The following DCLK2 variants were observed in gnomAD, a reference collection of about 807,000 sequenced individuals.
DCLK2 encodes serine/threonine-protein kinase DCLK2.
A neutral mutation model predicts 78.4 loss-of-function variants in DCLK2; 31 were observed. The ratio of observed to expected loss-of-function variants is 0.40; its 90% CI spans 0.30 to 0.53. DCLK2 has a LOEUF of 0.53. Among genes scored for constraint, DCLK2 ranks in the 20% least tolerant of loss-of-function variants. DCLK2 has a pLI of 0.61. For missense variants in DCLK2, 872 were observed against 973.7 expected (o/e 0.90, Z 1.39); for synonymous variants, 407 against 374.9 (o/e 1.09, Z -0.99).
chr4:150,240,482 C>G lies in DCLK2; in HGVS notation c.1778+6C>G. 1 of 1,607,764 alleles carries G rather than the reference C, an allele frequency of 6.2e-7. No individual in the cohort carries two copies. Among genetic ancestry groups the G allele is most frequent in the Non-Finnish European group, 8.5e-7 (1 of 1,175,952 alleles). On this transcript the variant is annotated splice_donor_region_variant and intron_variant, in intron 12 of 15. Coordinates refer to ENST00000296550, the MANE Select transcript of DCLK2 (RefSeq NM_001040260.4). ...GGATTCCCACCATTCCGAAGGTAGGCGGCCTTTTGGGCGACGTATTTGAAT... is the reference window on the plus strand; with the variant it reads ...GGATTCCCACCATTCCGAAGGTAGGGGGCCTTTTGGGCGACGTATTTGAAT...
intron 4 of DCLK2, among the ~76,000 whole-genome samples, chr4:150,200,237 C>T (rs1051160443): frequency 6.6e-6 from 1 of 152,102 alleles, no homozygotes; most frequent in African/African-American, 2.4e-5. Flanking sequence ...TAAGGAAAAT[C>T]GTAGCATTCT....
rs571389846 is a variant in DCLK2 at position 150,257,367 on chromosome 4, C to T, written c.*1120C>T. Reference sequence around the variant, plus strand: ...TTCTAAACTGGCGAGCCCTATAGTTCGTTCTCATTGTTAGATTTTGCCTTT... The same window carrying T: ...TTCTAAACTGGCGAGCCCTATAGTTTGTTCTCATTGTTAGATTTTGCCTTT... On this transcript the variant is annotated 3_prime_UTR_variant, in exon 16 of 16. Transcript: ENST00000296550. 2.6e-5 allele frequency: 4 copies of T among 152,724 alleles called. No homozygotes were observed. Among genetic ancestry groups the T allele is most frequent in the African/African-American group, 7.2e-5 (3 of 41,554 alleles). 9.5% of individuals were successfully genotyped at this position (152,724 alleles called of 1,614,324 possible).
intron 4 of DCLK2, among the ~76,000 whole-genome samples, chr4:150,198,309 T>C (rs1739209444): frequency 6.6e-6 from 1 of 152,228 alleles, no homozygotes; most frequent in East Asian, 1.9e-4. Context: ...TGTGGTTTTG[T>C]TCTGACACGT....
chr4:150,254,093 G>A (rs767444880), intron 15 of DCLK2, among the ~76,000 whole-genome samples: 5 of 152,182 alleles, frequency 3.3e-5, no homozygotes, highest in Non-Finnish European at 5.9e-5. Context: ...CATGCAGGAC[G>A]GCCTCCCATG....
At chr4:150,080,086 G>A in intron 1 of DCLK2, among the ~76,000 whole-genome samples, 1 of 150,602 alleles carries the variant, frequency 6.6e-6, no homozygotes, top group Non-Finnish European at 1.5e-5. Flanking sequence ...TTTGGGGTGT[G>A]GGTTAGGCGT....
chr4:150,166,332 A>T (rs570899683), intron 2 of DCLK2, among the ~76,000 whole-genome samples: 1 of 148,774 alleles, frequency 6.7e-6, no homozygotes, highest in Admixed American at 6.6e-5. Flanking sequence ...TCTACATAAA[A>T]TTTTTAAAAA....
intron 2 of DCLK2, among the ~76,000 whole-genome samples, chr4:150,165,751 G>A (rs1736013556): frequency 6.6e-6 from 1 of 152,234 alleles, no homozygotes; most frequent in Non-Finnish European, 1.5e-5. Flanking sequence ...ACCTGATGCT[G>A]TGGTTTGAAT....
intron 8 of DCLK2, among the ~76,000 whole-genome samples, chr4:150,226,225 C>A (rs1455417520): frequency 7.0e-6 from 1 of 142,738 alleles, no homozygotes; most frequent in Admixed American, 7.0e-5. Flanking sequence ...TTGTCATTTA[C>A]TTTTTTTTTT....
intron 1 of DCLK2, among the ~76,000 whole-genome samples, chr4:150,080,078 T>TA (rs1410057836): frequency 6.6e-6 from 1 of 150,638 alleles, no homozygotes. Context: ...TGGTTGGGTT[T>TA]GGGGTGTGGG....
At chr4:150,199,270 A>T (rs1223916545) in intron 4 of DCLK2, among the ~76,000 whole-genome samples, 2 of 152,210 alleles carry the variant, frequency 1.3e-5, no homozygotes, top group African/African-American at 4.8e-5. Context: ...ACTGGTTATC[A>T]TCAGAAGATT....
intron 2 of DCLK2, among the ~76,000 whole-genome samples, chr4:150,161,057 G>C (rs1386031194): frequency 6.6e-6 from 1 of 152,108 alleles, no homozygotes; most frequent in Admixed American, 6.6e-5. Context: ...TGACAAAAAG[G>C]AGTGAAACAA....
At chr4:150,208,201 C>G (rs1400800384) in intron 5 of DCLK2, among the ~76,000 whole-genome samples, 1 of 152,088 alleles carries the variant, frequency 6.6e-6, no homozygotes, top group East Asian at 1.9e-4. Flanking sequence ...CCTAGTCAAG[C>G]AGAGGATTTT....
chr4:150,082,188 A>G (rs1180309590), intron 1 of DCLK2, among the ~76,000 whole-genome samples: 2 of 152,158 alleles, frequency 1.3e-5, no homozygotes, highest in East Asian at 1.9e-4. Context: ...TATTCACCAC[A>G]TTGTCAAAAT....
intron 1 of DCLK2, among the ~76,000 whole-genome samples, chr4:150,081,172 A>C (rs1729237936): frequency 1.3e-5 from 2 of 152,226 alleles, no homozygotes; most frequent in African/African-American, 2.4e-5. Context: ...GTTTCTTAAG[A>C]GTCAACAATG....
chr4:150,188,917 A>C (rs1338822707), intron 2 of DCLK2, among the ~76,000 whole-genome samples: 1 of 151,718 alleles, frequency 6.6e-6, no homozygotes, highest in Non-Finnish European at 1.5e-5. Context: ...AAAAAAAAAA[A>C]AAAAAAGCCA....
At chr4:150,182,178 C>G (rs1196854503) in intron 2 of DCLK2, among the ~76,000 whole-genome samples, 1 of 152,024 alleles carries the variant, frequency 6.6e-6, no homozygotes, top group Non-Finnish European at 1.5e-5. Context: ...CTCTCAGTAG[C>G]TGGGACCACA....
In DCLK2 at chr4:150,232,829, G is replaced by A; in HGVS notation, c.1566+1G>A. On this transcript the variant is annotated splice_donor_variant, in intron 10 of 15. Coordinates refer to ENST00000296550, the MANE Select transcript of DCLK2 (RefSeq NM_001040260.4). LOFTEE classifies it high-confidence loss of function. ...AGACATCAAACCAGAGAATCTCTTG[G>A]TATGTCATCCCTGCTTTTTCTGTTC... 1 of 1,610,696 alleles carries A rather than the reference G, an allele frequency of 6.2e-7. No individual in the cohort carries two copies. The highest frequency in any genetic ancestry group is 8.5e-7 in the Non-Finnish European group (1 of 1,178,356).
At chr4:150,252,415 A>C (rs1371060268) in intron 15 of DCLK2, among the ~76,000 whole-genome samples, 2 of 152,238 alleles carry the variant, frequency 1.3e-5, no homozygotes, top group African/African-American at 4.8e-5. Flanking sequence ...CCCAGGGCTT[A>C]GGAGAGTTTG....
intron 2 of DCLK2, among the ~76,000 whole-genome samples, chr4:150,189,198 A>T (rs1013311024): frequency 3.3e-5 from 5 of 151,646 alleles, no homozygotes; most frequent in South Asian, 2.1e-4. Context: ...TTCCCTTTTT[A>T]AAAAAAATTA....
Sources: gnomAD v4.1 joint callset for allele counts (sites outside exome capture counted in the v4.1 genomes callset) on GRCh38, gnomAD v4.1.1 for gene constraint, MANE v1.5 for transcripts, NCBI Gene and HGNC (gene_info 2026-07-23, HGNC 2026-07-21) for gene names.